The following FAM178B variants were observed in gnomAD, a reference collection of about 807,000 sequenced individuals.
FAM178B encodes the protein family with sequence similarity 178 member B, also known as protein FAM178B.
Under a neutral mutation model 91.7 loss-of-function variants are expected in FAM178B, and 82 were observed. That is an observed-to-expected ratio of 0.89 (90% CI 0.75 to 1.07). The LOEUF is 1.07. Among genes scored for constraint, FAM178B ranks in the 50% least tolerant of loss-of-function variants. The pLI, the probability that FAM178B is intolerant of heterozygous loss-of-function variation, is 0.00. For missense variants in FAM178B, 769 were observed against 846.7 expected, an observed-to-expected ratio of 0.91 and a Z score of 1.14; for synonymous variants, 368 against 359.4, an observed-to-expected ratio of 1.02 and a Z score of -0.27.
chr2:96,918,660 G>C (rs536883194), intron 12 of FAM178B, among the ~76,000 whole-genome samples: 25 of 151,426 alleles, frequency 1.7e-4, no homozygotes, highest in Non-Finnish European at 2.9e-4. Context: ...ACAGTCACTG[G>C]AAGAATGTCC....
rs549751265 is a variant in FAM178B at position 96,915,750 on chromosome 2, A to G, written c.1562+5415T>C. Among the ~76,000 whole-genome samples the G allele has an allele frequency of 4.1e-3, 624 of 150,928 alleles. 1 individual carries two copies. The highest frequency in any genetic ancestry group is 6.9e-3 in the Non-Finnish European group (470 of 67,756). ...AGAATCGCTTAAACACGGGAGGCGG[A>G]GGTTGCAGTGAGCTGAGACTGTGCC... On this transcript the variant is annotated intron_variant, in intron 12 of 16. Transcript: ENST00000490605.
intron 1 of FAM178B, chr2:96,977,950 C>CGGGGGGGGGG: frequency 1.3e-5 from 3 of 229,312 alleles, no homozygotes; most frequent in Admixed American, 6.0e-5. Context: ...GTGGGGCGGG[C>CGGGGGGGGGG]GGGGGAGGGG....
Position 96,972,048 on chromosome 2 carries a change from G to A in FAM178B, c.417C>T (p.Gly139=), listed in dbSNP as rs2082227121. ...CAGCCAGTCTCCTCAGGCCCTGGGG[G>A]CCCACCACACCCACCCACCTCTGGG... ...APAQRWVGVV[G]PQGLRRLAGE... The change falls in exon 3 of 17, where the codon GGC becomes GGT. Residue 139 remains glycine, a synonymous_variant. Transcript: ENST00000490605. 1.3e-6 allele frequency: 2 copies of A among 1,549,838 alleles called. No individual in the cohort carries two copies. Among genetic ancestry groups the A allele is most frequent in the Non-Finnish European group, 1.7e-6 (2 of 1,146,576 alleles).
At chr2:96,975,515 A>C (rs2082277533) in intron 1 of FAM178B, among the ~76,000 whole-genome samples, 1 of 152,230 alleles carries the variant, frequency 6.6e-6, no homozygotes, top group African/African-American at 2.4e-5. Flanking sequence ...AGATCAAATC[A>C]GTGTAACTGG....
In FAM178B at chr2:96,902,616, T is replaced by C. The variant is rs1466420490; in HGVS notation, c.1650+4A>G. The C allele has an allele frequency of 6.5e-7, 1 of 1,548,218 alleles. No individual in the cohort carries two copies. Among genetic ancestry groups the C allele is most frequent in the South Asian group, 1.2e-5 (1 of 83,978 alleles). ...TCCTGCCCAGGCCTGAAGCAAACAC[T>C]CACCTGGGTCTTCTCTTGCCAGAGA... On this transcript the variant is annotated splice_donor_region_variant and intron_variant, in intron 13 of 16. Transcript: ENST00000490605.
Position 96,877,939 on chromosome 2 carries a change from G to C in FAM178B, c.1958C>G (p.Thr653Ser). ...MHRTMLKDLA[T>S]QTYIRWQELL... ...CTCCTGCCAACGGATGTAGGTCTGG[G>C]TAGCCAGGTCCTTGAGCATGGTGCG... Residue 653 changes from threonine (T) to serine (S), a missense_variant, in exon 16 of 17, where the codon ACC becomes AGC. Thr to Ser is a moderately conservative substitution (Grantham distance 58). Transcript: ENST00000490605. The C allele has an allele frequency of 6.2e-7, 1 of 1,613,856 alleles. No individual in the cohort carries two copies. Among genetic ancestry groups the C allele is most frequent in the Non-Finnish European group, 8.5e-7 (1 of 1,180,034 alleles).
intron 12 of FAM178B, among the ~76,000 whole-genome samples, chr2:96,909,155 A>G (rs933302091): frequency 1.8e-5 from 2 of 114,030 alleles, no homozygotes; most frequent in Admixed American, 8.7e-5. Context: ...AAAAAAAAAA[A>G]AAAAAGAAAA....
At chr2:96,951,581 TG>T in intron 6 of FAM178B, 97 bp from the exon 7 acceptor site, 1 of 857,950 alleles carries the variant, frequency 1.2e-6, no homozygotes, top group South Asian at 1.4e-5. Flanking sequence ...CTTCACTGGC[TG>T]TTGGGAAGCA....
In FAM178B at chr2:96,977,757, A is replaced by G. The variant is rs1574326319; in HGVS notation, c.74-5151T>C. 5 of 449,034 alleles carry G rather than the reference A, an allele frequency of 1.1e-5. No individual in the cohort carries two copies. The East Asian group carries it at 3.5e-4, about 31-fold the overall frequency. The allele number at this position is 449,034 out of a possible 1,614,324, so 27.8% of individuals were successfully genotyped here. A position where few individuals can be genotyped will look rare whatever the true frequency, so the allele number is the denominator to read the frequency against. On this transcript the variant is annotated intron_variant, in intron 1 of 16. Coordinates refer to ENST00000490605, the MANE Select transcript of FAM178B (RefSeq NM_001122646.3). Reference sequence around the variant, plus strand: ...TTAGATCAGTTTCTTTTCTGAGCACAAGTGCTTTCTGTGTCATCCTAACAA... The same window carrying G: ...TTAGATCAGTTTCTTTTCTGAGCACGAGTGCTTTCTGTGTCATCCTAACAA...
chr2:96,986,009 G>T (rs1370860629), intron 1 of FAM178B, among the ~76,000 whole-genome samples: 1 of 152,238 alleles, frequency 6.6e-6, no homozygotes, highest in African/African-American at 2.4e-5. Context: ...ACCAATCTAA[G>T]GTTCCACCCC....
chr2:96,922,972 C>T (rs1402802624), intron 10 of FAM178B, among the ~76,000 whole-genome samples: 1 of 147,756 alleles, frequency 6.8e-6, no homozygotes, highest in Non-Finnish European at 1.5e-5. Context: ...CTGCATCCAG[C>T]CTTTTTGTTT....
At chr2:96,897,634 G>A (rs1319904061) in intron 13 of FAM178B, among the ~76,000 whole-genome samples, 1 of 152,112 alleles carries the variant, frequency 6.6e-6, no homozygotes, top group East Asian at 1.9e-4. Flanking sequence ...GTCTGTACTT[G>A]GGAAATGCAC....
intron 8 of FAM178B, among the ~76,000 whole-genome samples, chr2:96,943,027 G>C (rs1302888081): frequency 1.3e-5 from 2 of 152,238 alleles, no homozygotes; most frequent in East Asian, 3.9e-4. Flanking sequence ...AAATTTATGA[G>C]CTAAAAGTAT....
intron 8 of FAM178B, among the ~76,000 whole-genome samples, chr2:96,930,253 C>T (rs2081518127): frequency 1.4e-5 from 2 of 141,232 alleles, no homozygotes; most frequent in South Asian, 2.2e-4. Context: ...AATCTGACCA[C>T]GTCAGCAAAC....
chr2:96,956,251 C>T (rs2081998007), intron 6 of FAM178B, among the ~76,000 whole-genome samples: 1 of 152,224 alleles, frequency 6.6e-6, no homozygotes, highest in African/African-American at 2.4e-5. Context: ...TCAGCTCCTG[C>T]AATCAGCTGT....
Position 96,894,321 on chromosome 2 carries a change from CA to C in FAM178B, c.1651-271del, listed in dbSNP as rs551229029. ...CCCCACCCACACACACACAGACCCA[CA>C]CACACTCTTCCCCCCACAGACCTGA... On this transcript the variant is annotated intron_variant, in intron 13 of 16. Coordinates refer to ENST00000490605, the MANE Select transcript of FAM178B (RefSeq NM_001122646.3). Among the ~76,000 whole-genome samples, 253 of 150,422 alleles carry C rather than the reference CA, an allele frequency of 1.7e-3. 3 individuals are homozygous for C. Among genetic ancestry groups the C allele is most frequent in the African/African-American group, 6.0e-3 (244 of 40,740 alleles).
chr2:96,876,420 AG>A, intron 16 of FAM178B, 112 bp from the exon 17 acceptor site: 2 of 1,351,894 alleles, frequency 1.5e-6, no homozygotes, highest in Non-Finnish European at 2.0e-6. Context: ...GGCTCATGCC[AG>A]GGGCCGAGTG....
At chr2:96,966,528 T>G (rs770255238) in intron 5 of FAM178B, among the ~76,000 whole-genome samples, 2 of 152,316 alleles carry the variant, frequency 1.3e-5, no homozygotes, top group South Asian at 2.1e-4. Context: ...TGTCTGGTTT[T>G]GTTCCTGCCA....
At chr2:96,886,371 A>C (rs896175486) in intron 14 of FAM178B, among the ~76,000 whole-genome samples, 3 of 152,196 alleles carry the variant, frequency 2.0e-5, no homozygotes, top group African/African-American at 7.2e-5. Flanking sequence ...TTACGATTCG[A>C]GGGCCGAAGC....
Sources: allele counts gnomAD v4.1 joint callset (sites outside exome capture counted in the v4.1 genomes callset), GRCh38; gene constraint gnomAD v4.1.1; transcripts MANE v1.5; gene names NCBI Gene and HGNC (gene_info 2026-07-23, HGNC 2026-07-21).